The following DDX1 variants were observed in gnomAD, a reference collection of about 807,000 sequenced individuals.
DDX1 encodes DEAD-box helicase 1, also known as ATP-dependent RNA helicase DDX1.
DDX1 carries 28 observed loss-of-function variants against 108.7 expected under a neutral mutation model. The observed-to-expected ratio is 0.26, with a 90% CI of 0.19 to 0.35. The LOEUF is 0.35. DDX1 is among the 10% of genes least tolerant of loss of function. The probability of loss-of-function intolerance (pLI) is 1.00; values close to 1 mark genes in which losing one functional copy is unlikely to be tolerated. For missense variants in DDX1, 710 were observed against 884.5 expected, an observed-to-expected ratio of 0.80 and a Z score of 2.50; for synonymous variants, 295 against 288.9, an observed-to-expected ratio of 1.02 and a Z score of -0.21.
rs1266914881 is a variant in DDX1, at chr2:15,617,265, C to T, written c.1039C>T (p.Pro347Ser). Residue 347 changes from proline to serine, a missense_variant, in exon 15 of 26, where the codon CCG becomes TCG. Transcript: ENST00000233084. ...ENGVDIVVGT[P>S]GRLDDLVSTG... is the part of the protein sequence containing the mutation. ...TCAGGTAGATATAGTTGTAGGTACTCCGGGAAGACTAGATGACTTGGTGTC... is the reference window on the plus strand; with the variant it reads ...TCAGGTAGATATAGTTGTAGGTACTTCGGGAAGACTAGATGACTTGGTGTC... 6.3e-7 allele frequency: 1 copy of T among 1,588,078 alleles called. No individual in the cohort carries two copies. The highest frequency in any genetic ancestry group is 8.6e-7 in the Non-Finnish European group (1 of 1,164,272).
intron 20 of DDX1, among the ~76,000 whole-genome samples, chr2:15,628,029 T>A (rs189697431): frequency 1.2e-3 from 176 of 152,294 alleles, no homozygotes; most frequent in Middle Eastern, 3.4e-3. Context: ...GAATTTTGTC[T>A]GTTACAAAAA....
intron 14 of DDX1, 36 bp from the exon 15 acceptor site, chr2:15,617,208 T>C: frequency 8.9e-7 from 1 of 1,128,740 alleles, no homozygotes; most frequent in Non-Finnish European, 1.3e-6. Context: ...ACTGTTTCTT[T>C]AGTTTTCATT....
chr2:15,593,621 G>A (rs566418914), intron 1 of DDX1, among the ~76,000 whole-genome samples: 4 of 152,264 alleles, frequency 2.6e-5, no homozygotes, highest in Admixed American at 6.5e-5. Context: ...GCAGTATTCC[G>A]TATGCAGTAA....
chr2:15,615,362 T>C (rs1665876745), intron 14 of DDX1, among the ~76,000 whole-genome samples: 1 of 152,172 alleles, frequency 6.6e-6, no homozygotes, highest in African/African-American at 2.4e-5. Context: ...CCACTTTACC[T>C]GCTGAAATTC....
Position 15,623,379 on chromosome 2 carries a change from T to C in DDX1, c.1448-57T>C. 2.6e-6 allele frequency: 4 copies of C among 1,567,714 alleles called. No homozygotes were observed. In the South Asian group the frequency reaches 3.4e-5, roughly 13 times the overall value. ...AGTCTGTGACTATAATTATGTGTAT[T>C]CATGACAAGTTCAGATTGAAATTCT... On this transcript the variant is annotated intron_variant, in intron 18 of 25. Transcript: ENST00000233084.
intron 19 of DDX1, among the ~76,000 whole-genome samples, chr2:15,624,593 A>G (rs901112669): frequency 6.6e-6 from 1 of 152,218 alleles, no homozygotes; most frequent in African/African-American, 2.4e-5. Context: ...GAACAGCATG[A>G]GGATAACCAC....
In DDX1 at chr2:15,629,507, T is replaced by C. The variant is rs557354627; in HGVS notation, c.1876-95T>C. 4 of 833,890 alleles carry C rather than the reference T, an allele frequency of 4.8e-6. No individual in the cohort carries two copies. The South Asian group carries it at 5.4e-5, about 11-fold the overall frequency. The allele number at this position is 833,890 out of a possible 1,614,324, so 51.7% of individuals were successfully genotyped here. ...CCTATAATCTATTTTTCTAGTGCCT[T>C]GAGGACAGAAAACAATTAAAAACAA... On this transcript the variant is annotated intron_variant, in intron 23 of 25. Transcript: ENST00000233084.
intron 10 of DDX1, among the ~76,000 whole-genome samples, chr2:15,605,320 G>A (rs1665645203): frequency 6.6e-6 from 1 of 152,048 alleles, no homozygotes. Context: ...ATCCAGCAGA[G>A]GGGAATGAGG....
At chr2:15,607,027 C>T in intron 12 of DDX1, 148 bp from the exon 13 acceptor site, 1 of 795,226 alleles carries the variant, frequency 1.3e-6, no homozygotes, top group Non-Finnish European at 1.9e-6. Context: ...TTTTAGAAAT[C>T]TAAGGTTTAT....
chr2:15,631,028 G>C lies in DDX1; in HGVS notation c.*122G>C, dbSNP rs963375525. Reference sequence around the variant, plus strand: ...ACGTAAGCTATTAATGCTAACTCTTGCATGTCAAGAAACATTAGTCTTAGG... The same window carrying C: ...ACGTAAGCTATTAATGCTAACTCTTCCATGTCAAGAAACATTAGTCTTAGG... On this transcript the variant is annotated 3_prime_UTR_variant, in exon 26 of 26. Transcript: ENST00000233084. 8 of 844,172 alleles carry C rather than the reference G, an allele frequency of 9.5e-6. No homozygotes were observed. Among genetic ancestry groups the C allele is most frequent in the Admixed American group, 6.4e-5 (2 of 31,490 alleles). The allele number at this position is 844,172 out of a possible 1,614,324, so 52.3% of individuals were successfully genotyped here.
chr2:15,612,040 G>A (rs1390659884), intron 13 of DDX1, among the ~76,000 whole-genome samples: 3 of 140,896 alleles, frequency 2.1e-5, no homozygotes, highest in Non-Finnish European at 3.1e-5. Flanking sequence ...AGGGGCGGCT[G>A]GGTAGAGGCT....
chr2:15,626,868 G>A (rs778005005), intron 19 of DDX1, among the ~76,000 whole-genome samples, 186 bp from the exon 20 acceptor site: 17 of 152,076 alleles, frequency 1.1e-4, no homozygotes, highest in South Asian at 2.1e-4. Context: ...TTAATGCTCC[G>A]TAGAGTTCAT....
In DDX1 at chr2:15,597,453, A is replaced by G. The variant is rs1464436328; in HGVS notation, c.241A>G (p.Ile81Val). ...QQEGKKGKTT[I>V]KTGASVLNKW... ...GGAAGGCAAAAAAGGAAAAACAACA[A>G]TTAAAACTGGTGCTTCAGGTAATTT... Residue 81 changes from isoleucine (I) to valine (V), a missense_variant, in exon 5 of 26, where the codon ATT becomes GTT. By Grantham distance (29) the Ile-to-Val change is conservative. Coordinates refer to ENST00000233084, the MANE Select transcript of DDX1 (RefSeq NM_004939.3). 5 of 1,606,044 alleles carry G rather than the reference A, an allele frequency of 3.1e-6. No homozygotes were observed. The East Asian group carries it at 1.1e-4, about 36-fold the overall frequency.
In DDX1 at chr2:15,623,489, A is replaced by C; in HGVS notation, c.1501A>C (p.Ile501Leu). ...GAAAGGGGAGTATGCTGTCCGGGCA[A>C]TCAAGGAACATAAGATGGATCAAGC... The part of the protein sequence containing the change: ...ILKGEYAVRA[I>L]KEHKMDQAII... The change falls in exon 19 of 26, where the codon ATC becomes CTC. Residue 501 changes from isoleucine to leucine, a missense_variant. Physicochemically the swap from Ile to Leu is conservative, Grantham distance 5. Coordinates refer to ENST00000233084, the MANE Select transcript of DDX1 (RefSeq NM_004939.3). 1.2e-6 allele frequency: 2 copies of C among 1,613,686 alleles called. No individual in the cohort carries two copies. The highest frequency in any genetic ancestry group is 1.1e-5 in the South Asian group (1 of 91,074).
chr2:15,630,853 A>T lies in DDX1; in HGVS notation c.2170A>T (p.Thr724Ser), dbSNP rs768315888. 8 of 1,614,014 alleles carry T rather than the reference A, an allele frequency of 5.0e-6. No homozygotes were observed. The highest frequency in any genetic ancestry group is 6.8e-6 in the Non-Finnish European group (8 of 1,179,984). Residue 724 changes from threonine (T) to serine (S), a missense_variant, in exon 26 of 26, where the codon ACA becomes TCA. Around this residue, in one of 3 missense-constraint regions of DDX1, gnomAD observed 661 missense variants for 810.2 expected, o/e 0.82. Coordinates refer to ENST00000233084, the MANE Select transcript of DDX1 (RefSeq NM_004939.3). The part of the protein sequence containing the change: ...ELAALEKEAQ[T>S]SFLHLGYLPN... ...GGCTGCCCTTGAAAAGGAGGCGCAGACATCTTTCCTGCATCTTGGCTACCT... is the reference window on the plus strand; with the variant it reads ...GGCTGCCCTTGAAAAGGAGGCGCAGTCATCTTTCCTGCATCTTGGCTACCT...
At chr2:15,625,024 TATA>T (rs2148749304) in intron 19 of DDX1, among the ~76,000 whole-genome samples, 1 of 152,270 alleles carries the variant, frequency 6.6e-6, no homozygotes, top group East Asian at 1.9e-4. Context: ...CAGCTTTATT[TATA>T]ATATTCTAAA....
chr2:15,597,169 G>A (rs1464934551), intron 4 of DDX1, among the ~76,000 whole-genome samples: 1 of 152,136 alleles, frequency 6.6e-6, no homozygotes, highest in Non-Finnish European at 1.5e-5. Flanking sequence ...ATCTTTTTGT[G>A]ATGTTAGCTG....
At chr2:15,608,927 G>A (rs930932212) in intron 13 of DDX1, among the ~76,000 whole-genome samples, 1 of 151,844 alleles carries the variant, frequency 6.6e-6, no homozygotes, top group Non-Finnish European at 1.5e-5. Context: ...TACTAATTTT[G>A]TTTTGAAGAT....
At chr2:15,592,052 G>C in intron 1 of DDX1, 103 bp downstream of exon 1, 1 of 1,132,110 alleles carries the variant, frequency 8.8e-7, no homozygotes. Flanking sequence ...ACAGGGGTCA[G>C]GGAGACAGAA....
Sources: allele counts gnomAD v4.1 joint callset (sites outside exome capture counted in the v4.1 genomes callset), GRCh38; gene constraint gnomAD v4.1.1; regional missense constraint gnomAD v4.1.1; transcripts MANE v1.5; gene names NCBI Gene and HGNC (gene_info 2026-07-23, HGNC 2026-07-21).